ZFP64: variants seen among roughly 807,000 people sequenced by gnomAD.
The protein encoded by ZFP64 is zinc finger protein 64.
ZFP64 carries 14 observed loss-of-function variants against 51.6 expected under a neutral mutation model. That is an observed-to-expected ratio of 0.27 (90% CI 0.18 to 0.42). The LOEUF (loss-of-function observed/expected upper bound fraction) is 0.42. ZFP64 is among the 10% of genes least tolerant of loss of function. The pLI is 1.00. For synonymous variants in ZFP64, 375 were observed against 361.4 expected (o/e 1.04, Z -0.43); for missense variants, 754 against 906.8 (o/e 0.83, Z 2.16).
chr20:52,172,027 G>A (rs1359660966), intron 2 of ZFP64, among the ~76,000 whole-genome samples: 5 of 152,178 alleles, frequency 3.3e-5, no homozygotes, highest in Non-Finnish European at 7.3e-5. Flanking sequence ...GATTACAGGC[G>A]TGAGCCACCG....
chr20:52,152,012 G>T lies in ZFP64; in HGVS notation c.*134C>A. The stretch of plus-strand genomic sequence containing the variant: ...AGATAGCGCCACTGCACTCCAGCCT[G>T]GGAAACAGAGCGAGACTCCGTCTCA... On this transcript the variant is annotated 3_prime_UTR_variant, in exon 6 of 6. Transcript: ENST00000216923. 6.9e-7 allele frequency: 1 copy of T among 1,439,024 alleles called. No homozygotes were observed. The highest frequency in any genetic ancestry group is 2.6e-4 in the Middle Eastern group (1 of 3,890). The allele number at this position is 1,439,024 out of a possible 1,614,324, so 89.1% of individuals were successfully genotyped here.
chr20:52,116,868 G>A (rs6096766), intron 5 of ZFP64, among the ~76,000 whole-genome samples: 2 of 152,050 alleles, frequency 1.3e-5, no homozygotes, highest in Admixed American at 6.6e-5. Context: ...TCAAGAGATC[G>A]AGACCTTCCT....
At chr20:52,156,113 G>C (rs911896585) in intron 5 of ZFP64, among the ~76,000 whole-genome samples, 1 of 152,122 alleles carries the variant, frequency 6.6e-6, no homozygotes, top group Non-Finnish European at 1.5e-5. Flanking sequence ...GAATTTTTCA[G>C]CTTCTCTAAC....
chr20:52,162,883 C>T (rs1170617656), intron 4 of ZFP64, among the ~76,000 whole-genome samples: 1 of 152,106 alleles, frequency 6.6e-6, no homozygotes, highest in Non-Finnish European at 1.5e-5. Flanking sequence ...CATACCCCCA[C>T]TCTCTGAAGG....
At position 52,191,497 on chromosome 20, in the gene ZFP64, G is replaced by C; in HGVS notation, c.46+94C>G. ...GCCGTCACCCCGATTTCGGGGCCCC[G>C]GGCCTGCTGGCTGCGTCGCAGACGT... On this transcript the variant is annotated intron_variant, in intron 1 of 5. Coordinates refer to ENST00000216923, the MANE Select transcript of ZFP64 (RefSeq NM_018197.3). This position sits in a 1 kb window ranked among gnomAD's most constrained non-coding sequence, Gnocchi z 4.3. 4 of 1,372,162 alleles carry C rather than the reference G, an allele frequency of 2.9e-6. No individual in the cohort carries two copies. Among genetic ancestry groups the C allele is most frequent in the South Asian group, 1.6e-5 (1 of 61,708 alleles). The allele number at this position is 1,372,162 out of a possible 1,614,324, so 85.0% of individuals were successfully genotyped here.
At chr20:52,129,986 C>T (rs1979646579) in intron 5 of ZFP64, among the ~76,000 whole-genome samples, 3 of 152,294 alleles carry the variant, frequency 2.0e-5, no homozygotes, top group South Asian at 4.1e-4. Context: ...CTTCCCTGGC[C>T]ACGTTCCTGC....
At chr20:52,144,577 T>TAAAAAAAAAAAAAAAAAA (rs1980420987) in intron 5 of ZFP64, among the ~76,000 whole-genome samples, 1 of 5,098 alleles carries the variant, frequency 2.0e-4, no homozygotes, top group African/African-American at 1.3e-3. Flanking sequence ...AGACTCCGTC[T>TAAAAAAAAAAAAAAAAAA]CAAAAAAAAA....
Position 52,169,223 on chromosome 20 carries a change from G to A in ZFP64, c.287-3198C>T, listed in dbSNP as rs151257261. Among the ~76,000 whole-genome samples, 826 of 152,240 alleles carry A rather than the reference G, an allele frequency of 5.4e-3. 5 individuals carry two copies. The highest frequency in any genetic ancestry group is 0.019 in the African/African-American group (773 of 41,538). On this transcript the variant is annotated intron_variant, in intron 2 of 5. Coordinates refer to ENST00000216923, the MANE Select transcript of ZFP64 (RefSeq NM_018197.3). ...GTTGAATCTCAATAAATGTCAACAG[G>A]GATATATTACAGTTCAATAGAACCA... is the stretch of plus-strand genomic sequence containing the variant.
At position 52,191,734 on chromosome 20, in the gene ZFP64, C is replaced by T; in HGVS notation, c.-98G>A. 3.6e-6 allele frequency: 5 copies of T among 1,378,012 alleles called. No homozygotes were observed. The highest frequency in any genetic ancestry group is 4.8e-6 in the Non-Finnish European group (5 of 1,043,006). The allele number at this position is 1,378,012 out of a possible 1,614,324, so 85.4% of individuals were successfully genotyped here. On this transcript the variant is annotated 5_prime_UTR_variant, in exon 1 of 6. Transcript: ENST00000216923. The surrounding 1 kb of genome is among the most constrained non-coding windows in gnomAD (Gnocchi z 4.3). ...CTTTTCCTTTTATTTTTCCACACCC[C>T]CCACCCTGCCTTCTCCCAACTCTGC...
Position 52,152,647 on chromosome 20 carries a change from G to C in ZFP64, c.1545C>G (p.Ala515=). 6.5e-7 allele frequency: 1 copy of C among 1,532,764 alleles called. No homozygotes were observed. Among genetic ancestry groups the C allele is most frequent in the Non-Finnish European group, 8.7e-7 (1 of 1,143,786 alleles). 94.9% of individuals were successfully genotyped at this position (1,532,764 alleles called of 1,614,324 possible). A position where few individuals can be genotyped will look rare whatever the true frequency, so the allele number is the denominator to read the frequency against. Residue 515 remains alanine, a synonymous_variant, in exon 6 of 6, where the codon GCC becomes GCG. Transcript: ENST00000216923. ...GCGGGACGATGTTCACTGCAGCGGC[G>C]GCAGCCTGGACGATGGTGTTCGCCT... ...VPQANTIVQA[A]AAAVNIVPPA... is the part of the protein sequence containing the mutation.
At chr20:52,156,430 C>T (rs1221487254) in intron 5 of ZFP64, among the ~76,000 whole-genome samples, 1 of 152,214 alleles carries the variant, frequency 6.6e-6, no homozygotes, top group Non-Finnish European at 1.5e-5. Flanking sequence ...TCAATCCTGG[C>T]CTAACCTGCT....
In ZFP64 at chr20:52,153,331, G is replaced by A; in HGVS notation, c.861C>T (p.Phe287=). 6.2e-7 allele frequency: 1 copy of A among 1,614,212 alleles called. No homozygotes were observed. The highest frequency in any genetic ancestry group is 8.5e-7 in the Non-Finnish European group (1 of 1,180,046). ...AGCGGACATTGCAGAACTCGCACTTGAAAGGCTTCTCCCCCGAGTGCACCC... is the reference window on the plus strand; with the variant it reads ...AGCGGACATTGCAGAACTCGCACTTAAAAGGCTTCTCCCCCGAGTGCACCC... ...HMRVHSGEKP[F]KCEFCNVRCT... is the part of the protein sequence containing the mutation. Residue 287 remains phenylalanine (F), a synonymous_variant, in exon 6 of 6, where the codon TTC becomes TTT. Transcript: ENST00000216923. This position sits in a 1 kb window ranked among gnomAD's most constrained non-coding sequence, Gnocchi z 5.1.
intron 2 of ZFP64, among the ~76,000 whole-genome samples, chr20:52,169,786 G>A (rs181272162): frequency 1.3e-5 from 2 of 152,330 alleles, no homozygotes; most frequent in East Asian, 3.9e-4. Context: ...GGGTGCAGTG[G>A]CTCACACCTG....
exon 6 of ZFP64, chr20:52,098,566 ACAT>A (rs1294431310): frequency 1.9e-5 from 30 of 1,614,130 alleles, no homozygotes; most frequent in South Asian, 5.5e-5. Flanking sequence ...TGCTTTTGGA[ACAT>A]CATCATCAAG....
chr20:52,170,176 G>A (rs1982605289), intron 2 of ZFP64, among the ~76,000 whole-genome samples: 1 of 152,176 alleles, frequency 6.6e-6, no homozygotes, highest in Admixed American at 6.5e-5. Flanking sequence ...AAAGGGCCGG[G>A]CGTGGTGGCT....
chr20:52,100,298 T>G (rs923950150), intron 5 of ZFP64, among the ~76,000 whole-genome samples: 1 of 151,980 alleles, frequency 6.6e-6, no homozygotes, highest in African/African-American at 2.4e-5. Flanking sequence ...CAGACTGGAG[T>G]GCAGTGGTAC....
intron 2 of ZFP64, 98 bp from the exon 3 acceptor site, chr20:52,166,123 T>C (rs968161123): frequency 6.1e-6 from 8 of 1,302,042 alleles, no homozygotes; most frequent in African/African-American, 6.0e-5. Context: ...TGTACTAGTT[T>C]GCTTTCCCAG....
intron 5 of ZFP64, among the ~76,000 whole-genome samples, chr20:52,102,108 A>C (rs545868062): frequency 3.9e-4 from 31 of 80,160 alleles, no homozygotes; most frequent in African/African-American, 1.2e-3. Flanking sequence ...CTCCATCTCC[A>C]AAAAAAAAAA....
At chr20:52,165,211 G>C (rs751409316) in intron 3 of ZFP64, 17 of 456,898 alleles carry the variant, frequency 3.7e-5, no homozygotes, top group South Asian at 1.9e-4. Flanking sequence ...GACGAAATCT[G>C]ACTAAGGTCA....
Sources: allele counts gnomAD v4.1 joint callset (sites outside exome capture counted in the v4.1 genomes callset), GRCh38; gene constraint gnomAD v4.1.1; non-coding constraint Gnocchi (gnomAD v3.1); transcripts MANE v1.5; gene names NCBI Gene and HGNC (gene_info 2026-07-23, HGNC 2026-07-21).